The following PLCL1 variants were observed in gnomAD, a reference collection of about 807,000 sequenced individuals.
PLCL1 encodes the protein phospholipase C like 1 (inactive).
A neutral mutation model predicts 84.4 loss-of-function variants in PLCL1; 41 were observed. That is an observed-to-expected ratio of 0.49 (90% CI 0.38 to 0.63). The LOEUF is 0.63. PLCL1 is among the 30% of genes least tolerant of loss of function. The pLI, the probability that PLCL1 is intolerant of heterozygous loss-of-function variation, is 0.00. For synonymous variants in PLCL1, 490 were observed against 488.3 expected (o/e 1.00, Z -0.05); for missense variants, 1,206 against 1,367.8 (o/e 0.88, Z 1.87).
chr2:197,968,365 T>C (rs1202944281), intron 1 of PLCL1, among the ~76,000 whole-genome samples: 3 of 152,168 alleles, frequency 2.0e-5, no homozygotes, highest in Admixed American at 2.0e-4. Context: ...CACACAGAAT[T>C]ATCAGAGATC....
intron 1 of PLCL1, among the ~76,000 whole-genome samples, chr2:198,060,756 G>C (rs1188285021): frequency 2.6e-5 from 4 of 152,074 alleles, no homozygotes; most frequent in Non-Finnish European, 5.9e-5. Context: ...TTATATCACT[G>C]TTTGTTTAAA....
At chr2:197,894,370 C>A (rs754404259) in intron 1 of PLCL1, among the ~76,000 whole-genome samples, 2 of 151,916 alleles carry the variant, frequency 1.3e-5, no homozygotes, top group Non-Finnish European at 2.9e-5. Flanking sequence ...TAGTTTCCTG[C>A]CACTGATGAA....
intron 1 of PLCL1, among the ~76,000 whole-genome samples, chr2:198,022,944 A>C (rs555753383): frequency 6.6e-6 from 1 of 152,334 alleles, no homozygotes; most frequent in Admixed American, 6.5e-5. Flanking sequence ...TAGCCAAGAC[A>C]ATTCTAAGCA....
Position 198,085,369 on chromosome 2 carries a change from ACAGAGGC to A in PLCL1, c.1856_1862del (p.Glu619AlafsTer27), listed in dbSNP as rs781387143. ...TTGGGAAATGTGTTCATTTAGTGAA[ACAGAGGC>A]CAGCCGCATTGCAAATGAGTACCCA... On this transcript the variant is annotated frameshift_variant, in exon 2 of 6. Transcript: ENST00000428675. LOFTEE classifies it high-confidence loss of function. This position sits in a 1 kb window ranked among gnomAD's most constrained non-coding sequence, Gnocchi z 5.3. 6.2e-7 allele frequency: 1 copy of A among 1,612,002 alleles called. No individual in the cohort carries two copies. The highest frequency in any genetic ancestry group is 1.3e-5 in the African/African-American group (1 of 74,870).
In PLCL1 at chr2:197,805,392, A is replaced by G. The variant is rs572200847; in HGVS notation, c.240+53A>G. On this transcript the variant is annotated intron_variant, in intron 1 of 5. Transcript: ENST00000428675. This position sits in a 1 kb window ranked among gnomAD's most constrained non-coding sequence, Gnocchi z 4.0. ...CGTGGCTGTGGGTGATGGGTGGGTCAGGGACCCGGGCAGGATGTGCGGTGT... is the reference window on the plus strand; with the variant it reads ...CGTGGCTGTGGGTGATGGGTGGGTCGGGGACCCGGGCAGGATGTGCGGTGT... 1.5e-6 allele frequency: 2 copies of G among 1,313,366 alleles called. No homozygotes were observed. The highest frequency in any genetic ancestry group is 2.3e-5 in the South Asian group (1 of 43,118). The allele number at this position is 1,313,366 out of a possible 1,614,324, so 81.4% of individuals were successfully genotyped here. A position where few individuals can be genotyped will look rare whatever the true frequency, so the allele number is the denominator to read the frequency against.
chr2:197,924,554 A>C (rs1313043707), intron 1 of PLCL1, among the ~76,000 whole-genome samples: 6 of 152,050 alleles, frequency 3.9e-5, no homozygotes, highest in Middle Eastern at 3.2e-3. Context: ...ACAACAACCC[A>C]TGAGCAATAC....
At chr2:198,019,570 C>T (rs1354380567) in intron 1 of PLCL1, among the ~76,000 whole-genome samples, 2 of 151,950 alleles carry the variant, frequency 1.3e-5, no homozygotes, top group Non-Finnish European at 2.9e-5. Context: ...AAAACACAGC[C>T]CAAGAATTTC....
chr2:197,995,572 T>G (rs1386838766), intron 1 of PLCL1, among the ~76,000 whole-genome samples: 1 of 151,978 alleles, frequency 6.6e-6, no homozygotes, highest in Non-Finnish European at 1.5e-5. Context: ...AGTTCCATAA[T>G]CAAGGAGAAG....
intron 1 of PLCL1, among the ~76,000 whole-genome samples, chr2:197,823,698 G>A (rs142900626): frequency 1.5e-4 from 23 of 152,182 alleles, no homozygotes; most frequent in African/African-American, 5.5e-4. Flanking sequence ...GGCAGTTCCA[G>A]TGTCTCTGTT....
intron 1 of PLCL1, among the ~76,000 whole-genome samples, chr2:197,979,857 C>A (rs1559063246): frequency 6.6e-6 from 1 of 152,170 alleles, no homozygotes; most frequent in Admixed American, 6.5e-5. Context: ...GGTGCCTTTC[C>A]CTACTTCCTC....
At chr2:198,027,984 C>G (rs1054733012) in intron 1 of PLCL1, among the ~76,000 whole-genome samples, 50 of 152,078 alleles carry the variant, frequency 3.3e-4, no homozygotes, top group African/African-American at 1.2e-3. Flanking sequence ...CAGTTATGCA[C>G]TACCATGCTT....
At chr2:198,034,768 G>A (rs1691515896) in intron 1 of PLCL1, among the ~76,000 whole-genome samples, 1 of 152,130 alleles carries the variant, frequency 6.6e-6, no homozygotes. Flanking sequence ...TTGTGGTCTA[G>A]GAAATCAATC....
chr2:197,869,252 A>G (rs1462405631), intron 1 of PLCL1, among the ~76,000 whole-genome samples: 1 of 152,128 alleles, frequency 6.6e-6, no homozygotes, highest in Non-Finnish European at 1.5e-5. Context: ...TATCATATCA[A>G]ATTGCTTCCA....
chr2:197,887,997 T>G (rs1226798233), intron 1 of PLCL1, among the ~76,000 whole-genome samples: 1 of 151,492 alleles, frequency 6.6e-6, no homozygotes, highest in African/African-American at 2.4e-5. Flanking sequence ...GAGGCTGAAG[T>G]AGGGGGATTG....
intron 1 of PLCL1, chr2:198,071,037 TAAGCTCTC>T (rs1692450927): frequency 4.4e-6 from 4 of 915,864 alleles, no homozygotes; most frequent in Non-Finnish European, 5.2e-6. Context: ...AGGTAAATGG[TAAGCTCTC>T]AAGCTCTCAT....
At chr2:198,018,609 C>T (rs536246692) in intron 1 of PLCL1, among the ~76,000 whole-genome samples, 7 of 152,144 alleles carry the variant, frequency 4.6e-5, no homozygotes, top group Admixed American at 1.3e-4. Flanking sequence ...TAAACAAAGC[C>T]GCCTGGAAGT....
intron 1 of PLCL1, among the ~76,000 whole-genome samples, chr2:198,005,156 T>A (rs1690700658): frequency 6.6e-6 from 1 of 152,250 alleles, no homozygotes. Context: ...CACCCTCCTT[T>A]ATTTCTCCTT....
chr2:197,871,873 A>G (rs1687656981), intron 1 of PLCL1, among the ~76,000 whole-genome samples: 2 of 152,056 alleles, frequency 1.3e-5, no homozygotes, highest in Admixed American at 1.3e-4. Flanking sequence ...TCTGACAAGG[A>G]CACCTGTGCT....
At chr2:197,904,463 G>C (rs1688336768) in intron 1 of PLCL1, among the ~76,000 whole-genome samples, 1 of 152,174 alleles carries the variant, frequency 6.6e-6, no homozygotes, top group African/African-American at 2.4e-5. Context: ...AGTAAAATTT[G>C]GCTTAATGGA....
Sources: gnomAD v4.1 joint callset for allele counts (sites outside exome capture counted in the v4.1 genomes callset) on GRCh38, gnomAD v4.1.1 for gene constraint, Gnocchi (gnomAD v3.1) non-coding constraint, MANE v1.5 for transcripts, NCBI Gene and HGNC (gene_info 2026-07-23, HGNC 2026-07-21) for gene names.